The following THSD7B variants were observed in gnomAD, a reference collection of about 807,000 sequenced individuals.
The protein encoded by THSD7B is thrombospondin type 1 domain containing 7B, also known as thrombospondin type-1 domain-containing protein 7B.
A neutral mutation model predicts 213.6 loss-of-function variants in THSD7B; 138 were observed. The ratio of observed to expected loss-of-function variants is 0.65; its 90% confidence interval spans 0.56 to 0.74. The LOEUF is 0.74. THSD7B is among the 30% of genes least tolerant of loss of function. The pLI is 0.00. For synonymous variants in THSD7B, 742 were observed against 687.0 expected, an observed-to-expected ratio of 1.08 and a Z score of -1.25; for missense variants, 1,931 against 1,991.5, an observed-to-expected ratio of 0.97 and a Z score of 0.58.
intron 7 of THSD7B, among the ~76,000 whole-genome samples, chr2:137,181,896 A>C (rs1680462979): frequency 6.6e-6 from 1 of 152,178 alleles, no homozygotes; most frequent in African/African-American, 2.4e-5. Flanking sequence ...GATTATGTTT[A>C]ATTACATAAA....
At chr2:137,225,518 T>G (rs1467374801) in intron 7 of THSD7B, among the ~76,000 whole-genome samples, 2 of 152,224 alleles carry the variant, frequency 1.3e-5, no homozygotes, top group African/African-American at 4.8e-5. Context: ...ATTGCAGATC[T>G]GCTTTCCAAA....
chr2:137,420,770 A>G (rs533816770), intron 14 of THSD7B, among the ~76,000 whole-genome samples: 2 of 152,326 alleles, frequency 1.3e-5, no homozygotes, highest in African/African-American at 4.8e-5. Context: ...TCAAAACTAC[A>G]AACTTGGTGG....
intron 5 of THSD7B, among the ~76,000 whole-genome samples, chr2:137,145,646 TG>T: frequency 6.6e-6 from 1 of 152,212 alleles, no homozygotes; most frequent in South Asian, 2.1e-4. Context: ...GTCTTATCTG[TG>T]GGCTTCATCG....
chr2:136,964,596 A>G lies in THSD7B; in HGVS notation c.139+82279A>G, dbSNP rs533418932. Among the ~76,000 whole-genome samples the G allele has an allele frequency of 1.1e-4, 16 of 152,220 alleles. 1 individual carries two copies. Among genetic ancestry groups the G allele is most frequent in the Non-Finnish European group, 1.0e-4 (7 of 68,016 alleles). On this transcript the variant is annotated intron_variant, in intron 2 of 27. Transcript: ENST00000409968. ...ATTTTCTCCCTACTTAAACGTTCCT[A>G]TGCAAATATTCTCATCCCTATGCAA... is the stretch of plus-strand genomic sequence containing the variant.
intron 17 of THSD7B, among the ~76,000 whole-genome samples, chr2:137,587,645 A>G (rs1343550123): frequency 6.6e-6 from 1 of 152,218 alleles, no homozygotes; most frequent in African/African-American, 2.4e-5. Context: ...AGGCTGCAGA[A>G]CAGCGAATAT....
At chr2:136,840,535 C>G (rs1229773508) in intron 1 of THSD7B, among the ~76,000 whole-genome samples, 1 of 152,132 alleles carries the variant, frequency 6.6e-6, no homozygotes, top group Non-Finnish European at 1.5e-5. Context: ...TTGAAGCAAA[C>G]CTGGTGTGTT....
intron 13 of THSD7B, among the ~76,000 whole-genome samples, chr2:137,407,970 C>T (rs933967731): frequency 6.6e-6 from 1 of 151,062 alleles, no homozygotes; most frequent in African/African-American, 2.4e-5. Flanking sequence ...AACTAGATAA[C>T]TACTACATAT....
chr2:137,288,969 A>G (rs1345497155), intron 12 of THSD7B, among the ~76,000 whole-genome samples: 2 of 152,110 alleles, frequency 1.3e-5, no homozygotes, highest in Non-Finnish European at 2.9e-5. Flanking sequence ...TAGTTGTTCC[A>G]CTTGCTACTT....
chr2:137,366,350 C>T (rs1027153590), intron 12 of THSD7B, among the ~76,000 whole-genome samples: 1 of 151,908 alleles, frequency 6.6e-6, no homozygotes, highest in African/African-American at 2.4e-5. Flanking sequence ...TGTAACAAAC[C>T]TGCAAGTTGT....
At chr2:137,397,506 G>A (rs933858310) in intron 12 of THSD7B, among the ~76,000 whole-genome samples, 23 of 151,704 alleles carry the variant, frequency 1.5e-4, no homozygotes, top group African/African-American at 5.6e-4. Flanking sequence ...ACTCTCTTCT[G>A]GCTTGTAGGG....
chr2:137,298,990 T>G (rs889865376), intron 12 of THSD7B, among the ~76,000 whole-genome samples: 2 of 152,066 alleles, frequency 1.3e-5, no homozygotes, highest in African/African-American at 4.8e-5. Context: ...GCCACTATCC[T>G]CCAGACCCCA....
chr2:137,493,120 CT>C (rs1679465450), intron 15 of THSD7B, among the ~76,000 whole-genome samples: 1 of 24,964 alleles, frequency 4.0e-5, no homozygotes, highest in African/African-American at 9.3e-5. Flanking sequence ...CACTCTCTCT[CT>C]CAAAAAAAAA....
intron 2 of THSD7B, among the ~76,000 whole-genome samples, chr2:136,925,881 T>C (rs1684513966): frequency 6.6e-6 from 1 of 152,216 alleles, no homozygotes; most frequent in Admixed American, 6.5e-5. Flanking sequence ...TTTAGTGACA[T>C]AATTTCTATG....
At chr2:136,827,698 T>TTAA (rs1490529234) in intron 1 of THSD7B, among the ~76,000 whole-genome samples, 1 of 152,052 alleles carries the variant, frequency 6.6e-6, no homozygotes, top group Non-Finnish European at 1.5e-5. Flanking sequence ...ATTTCTTGAG[T>TTAA]TAATGCTTAC....
chr2:137,364,169 A>C (rs1344604192), intron 12 of THSD7B, among the ~76,000 whole-genome samples: 5 of 152,244 alleles, frequency 3.3e-5, no homozygotes, highest in Admixed American at 1.3e-4. Flanking sequence ...GATGCAGCAA[A>C]GGCCTTTGAC....
In THSD7B at chr2:137,325,738, A is replaced by G. The variant is rs115483064; in HGVS notation, c.2500+49712A>G. On this transcript the variant is annotated intron_variant, in intron 12 of 27. Coordinates refer to ENST00000409968, the MANE Select transcript of THSD7B (RefSeq NM_001316349.2). ...AATGAAGTAACATAAATGTATTTGGAAGGATGCTTTTTTTGCTGCAAGTAA... is the reference window on the plus strand; with the variant it reads ...AATGAAGTAACATAAATGTATTTGGGAGGATGCTTTTTTTGCTGCAAGTAA... Among the ~76,000 whole-genome samples, 782 of 152,304 alleles carry G rather than the reference A, an allele frequency of 5.1e-3. 5 individuals are homozygous for G. Among genetic ancestry groups the G allele is most frequent in the African/African-American group, 0.018 (731 of 41,578 alleles).
At chr2:137,158,774 G>A (rs17795220) in intron 5 of THSD7B, among the ~76,000 whole-genome samples, 63,519 of 151,994 alleles carry the variant, frequency 0.42, 13,527 homozygotes, top group Non-Finnish European at 0.45. Flanking sequence ...TAAGGGTAAG[G>A]CAGAAAGTAG....
At chr2:137,119,206 A>G (rs1431685330) in intron 5 of THSD7B, among the ~76,000 whole-genome samples, 1 of 152,230 alleles carries the variant, frequency 6.6e-6, no homozygotes, top group Non-Finnish European at 1.5e-5. Flanking sequence ...CCAGTCTTCT[A>G]GTTCATTAAT....
chr2:137,072,697 T>TG (rs1343613283), intron 3 of THSD7B, among the ~76,000 whole-genome samples: 1 of 152,210 alleles, frequency 6.6e-6, no homozygotes, highest in Non-Finnish European at 1.5e-5. Flanking sequence ...TCAAAGGGAA[T>TG]GCTTCCAGTT....
Sources: allele counts gnomAD v4.1 joint callset (sites outside exome capture counted in the v4.1 genomes callset), GRCh38; gene constraint gnomAD v4.1.1; transcripts MANE v1.5; gene names NCBI Gene and HGNC (gene_info 2026-07-23, HGNC 2026-07-21).